Variants in PDE5A observed in about 807,000 individuals in gnomAD.
The protein encoded by PDE5A is phosphodiesterase 5A.
PDE5A carries 67 observed loss-of-function variants against 110.2 expected under a neutral mutation model. That is an observed-to-expected ratio of 0.61 (90% CI 0.50 to 0.75). The LOEUF is 0.75. PDE5A is among the 30% of genes least tolerant of loss of function. The pLI is 0.00. For missense variants in PDE5A, 862 were observed against 1,045.1 expected (o/e 0.82, Z 2.42); for synonymous variants, 328 against 351.2 (o/e 0.93, Z 0.74).
At chr4:119,626,259 A>G (rs1730343043) in intron 1 of PDE5A, among the ~76,000 whole-genome samples, 1 of 152,152 alleles carries the variant, frequency 6.6e-6, no homozygotes, top group East Asian at 1.9e-4. Context: ...AGAAAAAGTA[A>G]TGGGAAAAGA....
At chr4:119,568,782 G>A (rs1015713569) in intron 3 of PDE5A, among the ~76,000 whole-genome samples, 2 of 152,092 alleles carry the variant, frequency 1.3e-5, no homozygotes, top group African/African-American at 4.8e-5. Context: ...AACAGATATA[G>A]AAAGTATTAT....
At position 119,498,593 on chromosome 4, in the gene PDE5A, T is replaced by G; in HGVS notation, c.*8A>C. On this transcript the variant is annotated 3_prime_UTR_variant, in exon 21 of 21. Coordinates refer to ENST00000354960, the MANE Select transcript of PDE5A (RefSeq NM_001083.4). ...CTGTAAACTTCAACTCTGCATGAAATAGGCCACTCAGTTCCGCTTGGCCTG... is the reference window on the plus strand; with the variant it reads ...CTGTAAACTTCAACTCTGCATGAAAGAGGCCACTCAGTTCCGCTTGGCCTG... 1 of 1,613,874 alleles carries G rather than the reference T, an allele frequency of 6.2e-7. No homozygotes were observed. The highest frequency in any genetic ancestry group is 8.5e-7 in the Non-Finnish European group (1 of 1,179,856).
intron 10 of PDE5A, among the ~76,000 whole-genome samples, chr4:119,540,866 T>C (rs559680191): frequency 6.6e-6 from 1 of 152,300 alleles, no homozygotes; most frequent in East Asian, 1.9e-4. Flanking sequence ...TTCAAAGTTA[T>C]ATCTATGATC....
At position 119,628,793 on chromosome 4, in the gene PDE5A, C is replaced by G. The variant is rs573832572; in HGVS notation, c.-122G>C. On this transcript the variant is annotated 5_prime_UTR_variant, in exon 1 of 21. Coordinates refer to ENST00000354960, the MANE Select transcript of PDE5A (RefSeq NM_001083.4). Reference sequence around the variant, plus strand: ...CCCCCTTCGTCCTGCTCCAGTCGGGCCGGCTTTCGACAAAGCGGCCGGAGC... The same window carrying G: ...CCCCCTTCGTCCTGCTCCAGTCGGGGCGGCTTTCGACAAAGCGGCCGGAGC... 2.1e-5 allele frequency: 31 copies of G among 1,451,828 alleles called. No homozygotes were observed. The African/African-American group carries it at 4.2e-4, about 20-fold the overall frequency. 89.9% of individuals were successfully genotyped at this position (1,451,828 alleles called of 1,614,324 possible). A position where few individuals can be genotyped will look rare whatever the true frequency, so the allele number is the denominator to read the frequency against.
At chr4:119,507,824 A>T in intron 15 of PDE5A, 120 bp from the exon 16 acceptor site, 1 of 648,480 alleles carries the variant, frequency 1.5e-6, no homozygotes, top group Non-Finnish European at 2.6e-6. Context: ...TGTGGAGGAC[A>T]CACTTAAATA....
At position 119,577,381 on chromosome 4, in the gene PDE5A, A is replaced by C. The variant is rs200521704; in HGVS notation, c.832-10237T>G. Among the ~76,000 whole-genome samples the C allele has an allele frequency of 7.2e-5, 11 of 152,226 alleles. No individual in the cohort carries two copies. In the East Asian group the frequency reaches 1.9e-3, roughly 27 times the overall value. On this transcript the variant is annotated intron_variant, in intron 3 of 20. Coordinates refer to ENST00000354960, the MANE Select transcript of PDE5A (RefSeq NM_001083.4). ...TACCAAAGCCTGGCAGAGACACCAC[A>C]AAAAAAGAGAATTTTACACCAATAT...
chr4:119,590,215 T>G (rs1221981163), intron 3 of PDE5A, among the ~76,000 whole-genome samples: 2 of 152,206 alleles, frequency 1.3e-5, no homozygotes, highest in Non-Finnish European at 2.9e-5. Context: ...ATGGTTGTCA[T>G]GAAGATTAAA....
At chr4:119,505,528 C>T (rs1725520859) in intron 17 of PDE5A, among the ~76,000 whole-genome samples, 1 of 151,850 alleles carries the variant, frequency 6.6e-6, no homozygotes, top group South Asian at 2.1e-4. Flanking sequence ...ACTTCCACAA[C>T]ATTTATAATT....
At chr4:119,579,224 C>A (rs1169049918) in intron 3 of PDE5A, among the ~76,000 whole-genome samples, 2 of 152,198 alleles carry the variant, frequency 1.3e-5, no homozygotes, top group East Asian at 3.9e-4. Context: ...AATAGGAACA[C>A]TTTTACACTG....
chr4:119,506,532 CA>C (rs1435815749), intron 16 of PDE5A, among the ~76,000 whole-genome samples: 4 of 151,552 alleles, frequency 2.6e-5, no homozygotes, highest in African/African-American at 9.7e-5. Flanking sequence ...TACCTGGAGA[CA>C]CAAGACTCAA....
chr4:119,607,135 T>C lies in PDE5A; in HGVS notation c.315A>G (p.Glu105=). 1 of 1,614,166 alleles carries C rather than the reference T, an allele frequency of 6.2e-7. No homozygotes were observed. ...GTPTRKISAS[E]FDRPLRPIVV... ...CAATGGGTCTAAGAGGCCGGTCAAATTCAGAGGCAGAGATTTTCCTGGTTG... is the reference window on the plus strand; with the variant it reads ...CAATGGGTCTAAGAGGCCGGTCAAACTCAGAGGCAGAGATTTTCCTGGTTG... Residue 105 remains glutamate, a synonymous_variant, in exon 2 of 21, where the codon GAA becomes GAG. Transcript: ENST00000354960.
chr4:119,504,597 G>T lies in PDE5A; in HGVS notation c.2270C>A (p.Ala757Glu), dbSNP rs769633277. 6.8e-6 allele frequency: 11 copies of T among 1,611,206 alleles called. No individual in the cohort carries two copies. The highest frequency in any genetic ancestry group is 9.3e-6 in the Non-Finnish European group (11 of 1,178,422). Reference protein sequence around the residue: ...EDPHQKELFLAMLMTACDLSA... With the variant: ...EDPHQKELFLEMLMTACDLSA... ...AAGATCACAAGCTGTCATCAGCATT[G>T]CCCTGTTATGGAAAAAAGAAACCCA... The change falls in exon 18 of 21, where the codon GCA becomes GAA. Residue 757 changes from alanine to glutamate, a missense_variant and splice_region_variant. By Grantham distance (107) the Ala-to-Glu change is moderately radical (BLOSUM62 -1). Coordinates refer to ENST00000354960, the MANE Select transcript of PDE5A (RefSeq NM_001083.4).
intron 11 of PDE5A, chr4:119,526,947 G>A (rs1726343487): frequency 6.6e-6 from 1 of 151,618 alleles, no homozygotes; most frequent in Admixed American, 6.6e-5. Context: ...GATTTAAAAT[G>A]TTTAGATAAA....
In PDE5A at chr4:119,513,902, A is replaced by G. The variant is rs181120032; in HGVS notation, c.2001-2768T>C. 3.1e-3 allele frequency among the ~76,000 whole-genome samples: 468 copies of G among 152,350 alleles called. 3 individuals carry two copies. Among genetic ancestry groups the G allele is most frequent in the Non-Finnish European group, 5.1e-3 (349 of 68,026 alleles). ...ATGAATGCAAACTGTGTTTGCCTTT[A>G]CTTACATTCTAAAAATACAGATTTA... is the stretch of plus-strand genomic sequence containing the variant. On this transcript the variant is annotated intron_variant, in intron 14 of 20. Transcript: ENST00000354960.
Position 119,497,415 on chromosome 4 carries a change from G to A in PDE5A, c.*1186C>T, listed in dbSNP as rs1292008434. On this transcript the variant is annotated 3_prime_UTR_variant, in exon 21 of 21. Transcript: ENST00000354960. Reference sequence around the variant, plus strand: ...ATATTAACTATACTAAATGTTATGGGAAGAAAATACATTGAATGTGAGTTA... The same window carrying A: ...ATATTAACTATACTAAATGTTATGGAAAGAAAATACATTGAATGTGAGTTA... 6.6e-6 allele frequency: 1 copy of A among 152,076 alleles called. No homozygotes were observed. Among genetic ancestry groups the A allele is most frequent in the Non-Finnish European group, 1.5e-5 (1 of 68,012 alleles). The allele number at this position is 152,076 out of a possible 1,614,324, so 9.4% of individuals were successfully genotyped here.
chr4:119,581,933 T>G (rs1026778048), intron 3 of PDE5A, among the ~76,000 whole-genome samples: 1 of 152,242 alleles, frequency 6.6e-6, no homozygotes, highest in Non-Finnish European at 1.5e-5. Context: ...TTTAGCTAGC[T>G]ATAAACTTTT....
rs139508363 is a variant in PDE5A, at chr4:119,601,673, G to A, written c.741+5036C>T. On this transcript the variant is annotated intron_variant, in intron 2 of 20. Transcript: ENST00000354960. ...CCTAGGGATCCCACTTGCAGCTGAC[G>A]TCTGAAGTCGGGGCAGGCTTGTGGG... Among the ~76,000 whole-genome samples the A allele has an allele frequency of 9.1e-3, 1,382 of 152,278 alleles. 15 individuals are homozygous for A. The highest frequency in any genetic ancestry group is 0.032 in the African/African-American group (1,312 of 41,552).
At chr4:119,620,358 G>C (rs564771704) in intron 1 of PDE5A, among the ~76,000 whole-genome samples, 1 of 152,302 alleles carries the variant, frequency 6.6e-6, no homozygotes, top group South Asian at 2.1e-4. Context: ...ACCTTAAAAT[G>C]CAGAATTGCT....
intron 3 of PDE5A, among the ~76,000 whole-genome samples, chr4:119,587,544 C>T (rs551626587): frequency 3.9e-4 from 59 of 152,166 alleles, no homozygotes; most frequent in African/African-American, 1.3e-3. Flanking sequence ...CCACCGCGCC[C>T]GGCTAATTTT....
Sources: allele counts gnomAD v4.1 joint callset (sites outside exome capture counted in the v4.1 genomes callset), GRCh38; gene constraint gnomAD v4.1.1; transcripts MANE v1.5; gene names NCBI Gene and HGNC (gene_info 2026-07-23, HGNC 2026-07-21).